LAMB4: variants seen among roughly 807,000 people sequenced by gnomAD.
LAMB4 encodes the protein laminin subunit beta-4.
LAMB4 carries 196 observed loss-of-function variants against 199.2 expected under a neutral mutation model. The observed-to-expected ratio is 0.98, with a 90% CI of 0.88 to 1.11. The LOEUF is 1.11. Ranked by LOEUF, LAMB4 falls within the 50% of genes least tolerant of loss-of-function variation. LAMB4 has a pLI of 0.00. For missense variants in LAMB4, 2,080 were observed against 2,171.2 expected, an observed-to-expected ratio of 0.96 and a Z score of 0.83; for synonymous variants, 744 against 770.6, an observed-to-expected ratio of 0.97 and a Z score of 0.57.
At chr7:108,114,633 C>G (rs910181080) in intron 3 of LAMB4, among the ~76,000 whole-genome samples, 2 of 152,188 alleles carry the variant, frequency 1.3e-5, no homozygotes, top group African/African-American at 4.8e-5. Context: ...TAATAGTCAC[C>G]TTTTACTAGA....
At chr7:108,044,970 A>G (rs575325757) in intron 28 of LAMB4, among the ~76,000 whole-genome samples, 24 of 146,020 alleles carry the variant, frequency 1.6e-4, no homozygotes, top group East Asian at 9.7e-4. Context: ...AAAAAAAAAA[A>G]AAAAGAAAAG....
chr7:108,026,321 G>A (rs565077296), intron 33 of LAMB4, among the ~76,000 whole-genome samples: 14 of 152,268 alleles, frequency 9.2e-5, no homozygotes, highest in South Asian at 8.3e-4. Context: ...ATAGAAAAGC[G>A]GAAGAACTGA....
In LAMB4 at chr7:108,064,047, A is replaced by G. The variant is rs913089585; in HGVS notation, c.2837-62T>C. The G allele has an allele frequency of 2.4e-5, 28 of 1,188,656 alleles. 3 individuals are homozygous for G. In the South Asian group the frequency reaches 3.3e-4, roughly 14 times the overall value. 73.6% of individuals were successfully genotyped at this position (1,188,656 alleles called of 1,614,324 possible). A position where few individuals can be genotyped will look rare whatever the true frequency, so the allele number is the denominator to read the frequency against. On this transcript the variant is annotated intron_variant, in intron 21 of 33. Transcript: ENST00000388781. ...TATCAGTGTTGGGAGAGAGGAGGAG[A>G]TGGATGTTGTAAATAGAAAATTATT...
chr7:108,055,632 C>T lies in LAMB4; in HGVS notation c.3755G>A (p.Arg1252Lys), dbSNP rs1207667988. The T allele has an allele frequency of 6.2e-7, 1 of 1,610,488 alleles. No homozygotes were observed. The highest frequency in any genetic ancestry group is 1.1e-5 in the South Asian group (1 of 90,172). ...LKVKDYHDSV[R>K]RQIMQLNEQL... ...TCTGTTACTTGAGCATAAATCTTAC[C>T]TAACAGAGTCATGATAATCCTTGAC... Residue 1252 changes from arginine (R) to lysine (K), a missense_variant and splice_region_variant, in exon 25 of 34, where the codon AGA (arginine) becomes AAA (lysine). Arg to Lys is a conservative substitution (Grantham distance 26, BLOSUM62 2). Transcript: ENST00000388781.
intron 1 of LAMB4, among the ~76,000 whole-genome samples, chr7:108,124,620 A>T (rs572215375): frequency 6.6e-6 from 1 of 152,124 alleles, no homozygotes; most frequent in South Asian, 2.1e-4. Flanking sequence ...ATGAGCCCTT[A>T]CCAACATGGA....
At chr7:108,101,587 G>A (rs957397167) in intron 10 of LAMB4, among the ~76,000 whole-genome samples, 9 of 152,122 alleles carry the variant, frequency 5.9e-5, no homozygotes, top group African/African-American at 1.9e-4. Flanking sequence ...TAACTTGTTC[G>A]TCGGCAAGTA....
chr7:108,025,435 T>TCTTTCTTTCTTTCTTTC (rs1563024848), intron 33 of LAMB4, among the ~76,000 whole-genome samples: 3 of 112,204 alleles, frequency 2.7e-5, no homozygotes, highest in African/African-American at 1.8e-4. Context: ...TTTCTTTCTT[T>TCTTTCTTTCTTTCTTTC]TTTTTTTTTT....
chr7:108,077,840 T>C (rs751447993), intron 16 of LAMB4, among the ~76,000 whole-genome samples: 15 of 152,248 alleles, frequency 9.9e-5, no homozygotes, highest in Non-Finnish European at 4.4e-5. Flanking sequence ...TTTTCCTTTC[T>C]TACATTTCAA....
chr7:108,123,052 G>A lies in LAMB4; in HGVS notation c.34+79C>T, dbSNP rs1367718906. 5.6e-6 allele frequency: 7 copies of A among 1,258,804 alleles called. No homozygotes were observed. The East Asian group carries it at 1.6e-4, about 30-fold the overall frequency. The allele number at this position is 1,258,804 out of a possible 1,614,324, so 78.0% of individuals were successfully genotyped here. On this transcript the variant is annotated intron_variant, in intron 2 of 33. Coordinates refer to ENST00000388781, the MANE Select transcript of LAMB4 (RefSeq NM_007356.3). ...ATACAGCACTATAGAAGACAGAAGT[G>A]AATATGTTTAAAAACTATTTCCATT...
chr7:108,107,621 G>A lies in LAMB4; in HGVS notation c.591+10C>T, dbSNP rs1226143182. On this transcript the variant is annotated intron_variant, in intron 6 of 33. Coordinates refer to ENST00000388781, the MANE Select transcript of LAMB4 (RefSeq NM_007356.3). ...TTTATACAAAATAAATACAAGGAAG[G>A]AAATGCTACCTCTCCACCTGTTGAG... 6.4e-7 allele frequency: 1 copy of A among 1,563,884 alleles called. No homozygotes were observed. The highest frequency in any genetic ancestry group is 2.1e-5 in the Admixed American group (1 of 47,448).
intron 11 of LAMB4, among the ~76,000 whole-genome samples, chr7:108,096,299 C>T (rs2037593330): frequency 6.6e-6 from 1 of 152,114 alleles, no homozygotes; most frequent in Non-Finnish European, 1.5e-5. Flanking sequence ...GCATAATGTT[C>T]TTAAGGATCA....
intron 1 of LAMB4, among the ~76,000 whole-genome samples, chr7:108,126,892 A>T (rs1350774985): frequency 6.6e-6 from 1 of 152,104 alleles, no homozygotes; most frequent in Non-Finnish European, 1.5e-5. Flanking sequence ...AGGCTGAATA[A>T]TATACCATTG....
intron 11 of LAMB4, among the ~76,000 whole-genome samples, 181 bp from the exon 12 acceptor site, chr7:108,095,518 C>A (rs773440541): frequency 2.6e-5 from 4 of 152,178 alleles, no homozygotes; most frequent in Admixed American, 6.5e-5. Context: ...CAGAGGAAAT[C>A]CTGTGTCAGG....
chr7:108,034,360 T>TGA lies in LAMB4; in HGVS notation c.4680-15_4680-14insTC. 6.3e-7 allele frequency: 1 copy of TGA among 1,575,216 alleles called. No homozygotes were observed. ...TTTGCTGCTTTCCTAAGGTAAGATATTAACATATCAGATTAGATAAATACA... is the reference window on the plus strand; with the variant it reads ...TTTGCTGCTTTCCTAAGGTAAGATATGATAACATATCAGATTAGATAAATACA... On this transcript the variant is annotated splice_polypyrimidine_tract_variant and intron_variant, in intron 30 of 33. Coordinates refer to ENST00000388781, the MANE Select transcript of LAMB4 (RefSeq NM_007356.3).
At chr7:108,091,054 C>T (rs984920810) in intron 14 of LAMB4, among the ~76,000 whole-genome samples, 13 of 151,850 alleles carry the variant, frequency 8.6e-5, no homozygotes, top group African/African-American at 3.1e-4. Context: ...TAGGGATCAA[C>T]TTTCACAAGC....
chr7:108,016,275 A>ATTTTT, the LAMB4 span, among the ~76,000 whole-genome samples: 6 of 97,834 alleles, frequency 6.1e-5, no homozygotes, highest in Non-Finnish European at 9.4e-5. Flanking sequence ...GCATTTTGGA[A>ATTTTT]TTTTTTTTTT....
rs60438956 is a variant in LAMB4, at chr7:108,025,389, T to TTTTCTTTCTTTC, written c.5147-1223_5147-1212dup. 7.5e-3 allele frequency among the ~76,000 whole-genome samples: 686 copies of TTTTCTTTCTTTC among 91,214 alleles called. 35 individuals are homozygous for TTTTCTTTCTTTC. The highest frequency in any genetic ancestry group is 0.039 in the African/African-American group (484 of 12,394). The allele number at this position is 91,214 out of a possible 152,430, so 59.8% of individuals were successfully genotyped here. ...TTCTTTCTTTCTTTCTTTTCTTTTC[T>TTTTCTTTCTTTC]TTTCTTTCTTTCTTTCTTTCTTTCT... On this transcript the variant is annotated intron_variant, in intron 33 of 33. Transcript: ENST00000388781.
intron 3 of LAMB4, among the ~76,000 whole-genome samples, chr7:108,114,864 A>G (rs1380075034): frequency 6.6e-5 from 10 of 152,214 alleles, no homozygotes; most frequent in East Asian, 1.9e-4. Flanking sequence ...GGAGAGGAAA[A>G]GAAACCTGAA....
chr7:108,066,928 T>C (rs2036365652), intron 19 of LAMB4, among the ~76,000 whole-genome samples: 1 of 151,194 alleles, frequency 6.6e-6, no homozygotes, highest in Non-Finnish European at 1.5e-5. Flanking sequence ...ATTAATATAG[T>C]ATATATAAAT....
Sources: gnomAD v4.1 joint callset for allele counts (sites outside exome capture counted in the v4.1 genomes callset) on GRCh38, gnomAD v4.1.1 for gene constraint, MANE v1.5 for transcripts, NCBI Gene and HGNC (gene_info 2026-07-23, HGNC 2026-07-21) for gene names.